CHD8: variants seen among roughly 807,000 people sequenced by gnomAD.
The protein encoded by CHD8 is ATP-dependent chromatin remodeler CHD8.
Under a neutral mutation model 279.2 loss-of-function variants are expected in CHD8, and 31 were observed. That is an observed-to-expected ratio of 0.11 (90% CI 0.08 to 0.15). The LOEUF (loss-of-function observed/expected upper bound fraction) is 0.15. Ranked by LOEUF, CHD8 falls within the 10% of genes least tolerant of loss-of-function variation. The pLI is 1.00. For missense variants in CHD8, 2,146 were observed against 3,230.5 expected (o/e 0.66, Z 8.14); for synonymous variants, 1,081 against 1,139.6 (o/e 0.95, Z 1.04).
At chr14:21,399,233 A>G in intron 26 of CHD8, 1 of 300,456 alleles carries the variant, frequency 3.3e-6, no homozygotes, top group Non-Finnish European at 6.6e-6. Context: ...ATGCTAGTGC[A>G]CATCCAGAGG....
intron 10 of CHD8, among the ~76,000 whole-genome samples, chr14:21,412,550 T>C (rs17104868): frequency 0.031 from 4,787 of 152,216 alleles, 246 homozygotes; most frequent in African/African-American, 0.11. Context: ...AGCGAGCCTG[T>C]AGAAGTATTT....
In CHD8 at chr14:21,434,039, C is replaced by CT. The variant is rs57822562; in HGVS notation, c.-215-2182dup. 9.4e-3 allele frequency among the ~76,000 whole-genome samples: 1,092 copies of CT among 115,850 alleles called. 5 individuals carry two copies. The highest frequency in any genetic ancestry group is 0.028 in the Middle Eastern group (6 of 214). 76.0% of individuals were successfully genotyped at this position (115,850 alleles called of 152,430 possible). On this transcript the variant is annotated intron_variant, in intron 1 of 37. Transcript: ENST00000646647. ...AATATAAAAACAACAGTGAAAGTTT[C>CT]TTTTTTTTTTTTTTTTTTTTTCTGA...
At chr14:21,409,280 A>C (rs1018937348) in intron 11 of CHD8, among the ~76,000 whole-genome samples, 10 of 152,248 alleles carry the variant, frequency 6.6e-5, no homozygotes, top group Admixed American at 3.3e-4. Context: ...AAAAGTACCA[A>C]GGGTAATCAG....
At chr14:21,436,220 T>G (rs1393575167) in intron 1 of CHD8, among the ~76,000 whole-genome samples, 10 of 152,236 alleles carry the variant, frequency 6.6e-5, no homozygotes, top group African/African-American at 2.4e-4. Context: ...AATCTTGTTG[T>G]TGGAAACTGT....
intron 29 of CHD8, 88 bp from the exon 30 acceptor site, chr14:21,395,207 C>G: frequency 6.5e-7 from 1 of 1,528,494 alleles, no homozygotes; most frequent in Non-Finnish European, 9.0e-7. Flanking sequence ...AGGCAAAGCT[C>G]TTAGAAATCC....
In CHD8 at chr14:21,405,554, C is replaced by T. The variant is rs188256596; in HGVS notation, c.3052-90G>A. On this transcript the variant is annotated intron_variant, in intron 15 of 37. Coordinates refer to ENST00000646647, the MANE Select transcript of CHD8 (RefSeq NM_001170629.2). The surrounding 1 kb of genome is among the most constrained non-coding windows in gnomAD (Gnocchi z 4.2). ...AGAAACATGGAAAAATTAGAGTTTTCCACTATCTAAGAAATGTATACTTTG... is the reference window on the plus strand; with the variant it reads ...AGAAACATGGAAAAATTAGAGTTTTTCACTATCTAAGAAATGTATACTTTG... The T allele has an allele frequency of 1.6e-3, 2,409 of 1,519,084 alleles. 7 individuals carry two copies. Among genetic ancestry groups the T allele is most frequent in the Non-Finnish European group, 1.7e-3 (1,965 of 1,125,888 alleles). 94.1% of individuals were successfully genotyped at this position (1,519,084 alleles called of 1,614,324 possible). A position where few individuals can be genotyped will look rare whatever the true frequency, so the allele number is the denominator to read the frequency against.
intron 10 of CHD8, 86 bp from the exon 11 acceptor site, chr14:21,410,074 G>A: frequency 7.5e-7 from 1 of 1,330,752 alleles, no homozygotes; most frequent in Non-Finnish European, 1.0e-6. Flanking sequence ...TGTAAAATCA[G>A]ATCACAAAGT....
intron 1 of CHD8, among the ~76,000 whole-genome samples, chr14:21,443,313 C>T (rs902631347): frequency 6.6e-5 from 10 of 151,844 alleles, no homozygotes; most frequent in Non-Finnish European, 1.3e-4. Flanking sequence ...ATGGCGTGAA[C>T]CCGGGAGGTG....
chr14:21,385,791 G>A lies in CHD8; in HGVS notation c.7568C>T (p.Thr2523Ile). The part of the protein sequence containing the change: ...APGYPSSPVT[T>I]ASGTTLRLPP... ...CAACCGCAAGGTAGTACCAGAGGCG[G>A]TAGTCACTGGTGAAGAGGGGTAGCC... is the stretch of plus-strand genomic sequence containing the variant. The change falls in exon 38 of 38, where the codon ACC becomes ATC. Residue 2523 changes from threonine to isoleucine, a missense_variant. Thr to Ile is a moderately conservative substitution (Grantham distance 89, BLOSUM62 -1). Coordinates refer to ENST00000646647, the MANE Select transcript of CHD8 (RefSeq NM_001170629.2). The A allele has an allele frequency of 6.8e-7, 1 of 1,479,686 alleles. No homozygotes were observed. The highest frequency in any genetic ancestry group is 9.1e-7 in the Non-Finnish European group (1 of 1,101,720). 91.7% of individuals were successfully genotyped at this position (1,479,686 alleles called of 1,614,324 possible).
At chr14:21,438,670 T>C (rs1035915718) in intron 1 of CHD8, among the ~76,000 whole-genome samples, 2 of 151,678 alleles carry the variant, frequency 1.3e-5, no homozygotes, top group Non-Finnish European at 2.9e-5. Flanking sequence ...CCGTCTCTAC[T>C]AAAAATACAA....
chr14:21,414,263 T>C (rs778922808), intron 9 of CHD8, 38 bp downstream of exon 9: 87 of 1,026,992 alleles, frequency 8.5e-5, no homozygotes, highest in Middle Eastern at 2.0e-4. Flanking sequence ...TTTGTGCTTC[T>C]GTGAAAGAAA....
chr14:21,419,245 T>C (rs1036101102), intron 5 of CHD8, among the ~76,000 whole-genome samples: 1 of 152,146 alleles, frequency 6.6e-6, no homozygotes, highest in African/African-American at 2.4e-5. Context: ...TTTAAACAAG[T>C]ACTTAGATTT....
At chr14:21,427,299 A>G in intron 4 of CHD8, 1 of 418,892 alleles carries the variant, frequency 2.4e-6, no homozygotes, top group Non-Finnish European at 3.5e-6. Context: ...TGCCCGTCCC[A>G]TCCCAATAGC....
At chr14:21,428,563 T>TA (rs1168388783) in intron 3 of CHD8, among the ~76,000 whole-genome samples, 2 of 152,102 alleles carry the variant, frequency 1.3e-5, no homozygotes, top group Non-Finnish European at 2.9e-5. Context: ...GGCCTAACGG[T>TA]AAAAAAATTC....
rs1482466056 is a variant in CHD8, at chr14:21,429,126, G to C, written c.1053C>G (p.Ile351Met). 6.2e-7 allele frequency: 1 copy of C among 1,613,962 alleles called. No individual in the cohort carries two copies. Reference protein sequence around the residue: ...QLQVQQPQQKIQIVPQPPSSQ... With the variant: ...QLQVQQPQQKMQIVPQPPSSQ... ...ATGATGGTGGTTGTGGTACAATCTG[G>C]ATTTTTTGCTGTGGCTGCTGCACCT... Residue 351 changes from isoleucine (I) to methionine (M), a missense_variant, in exon 3 of 38, where the codon ATC becomes ATG. By Grantham distance (10) the Ile-to-Met change is conservative (BLOSUM62 1). This residue lies in a region of CHD8 where 170 missense variants were observed against 189.9 expected (regional missense o/e 0.90). Coordinates refer to ENST00000646647, the MANE Select transcript of CHD8 (RefSeq NM_001170629.2).
At position 21,436,516 on chromosome 14, in the gene CHD8, A is replaced by T. The variant is rs796867949; in HGVS notation, c.-215-4658T>A. 2.4e-4 allele frequency among the ~76,000 whole-genome samples: 37 copies of T among 152,370 alleles called. 2 individuals are homozygous for T. Among genetic ancestry groups the T allele is most frequent in the African/African-American group, 8.7e-4 (36 of 41,594 alleles). On this transcript the variant is annotated intron_variant, in intron 1 of 37. Coordinates refer to ENST00000646647, the MANE Select transcript of CHD8 (RefSeq NM_001170629.2). ...GTCAGCAAAGGATCAGGATGGAAAG[A>T]CATAGGACCAAATTGGAGCCACTCA...
At chr14:21,440,933 G>GT (rs1566453317) in intron 1 of CHD8, among the ~76,000 whole-genome samples, 3 of 152,210 alleles carry the variant, frequency 2.0e-5, no homozygotes, top group Non-Finnish European at 2.9e-5. Context: ...ACATTTGCTA[G>GT]TTTTTTTCTG....
At chr14:21,445,560 G>A (rs1320806711) in intron 1 of CHD8, among the ~76,000 whole-genome samples, 1 of 151,750 alleles carries the variant, frequency 6.6e-6, no homozygotes, top group Non-Finnish European at 1.5e-5. Flanking sequence ...GTGGTGGTGT[G>A]CACCTGTAAT....
chr14:21,437,242 C>T lies in CHD8; in HGVS notation c.-215-5384G>A, dbSNP rs748464592. 378 of 1,175,438 alleles carry T rather than the reference C, an allele frequency of 3.2e-4. 1 individual carries two copies. Among genetic ancestry groups the T allele is most frequent in the Non-Finnish European group, 3.8e-4 (355 of 933,864 alleles). 72.8% of individuals were successfully genotyped at this position (1,175,438 alleles called of 1,614,324 possible). On this transcript the variant is annotated intron_variant, in intron 1 of 37. Coordinates refer to ENST00000646647, the MANE Select transcript of CHD8 (RefSeq NM_001170629.2). The stretch of plus-strand genomic sequence containing the variant: ...TTCGCCCCTCTCCCTGTCTCTCCAG[C>T]ACCAGTTCCCCCTCCTCCTGCGCAA...
Sources: gnomAD v4.1 joint callset for allele counts (sites outside exome capture counted in the v4.1 genomes callset) on GRCh38, gnomAD v4.1.1 for gene constraint, gnomAD v4.1.1 regional missense constraint, Gnocchi (gnomAD v3.1) non-coding constraint, MANE v1.5 for transcripts, NCBI Gene and HGNC (gene_info 2026-07-23, HGNC 2026-07-21) for gene names.